CSMD3: variants seen among roughly 807,000 people sequenced by gnomAD.
CSMD3 encodes CUB and Sushi multiple domains 3.
CSMD3 carries 177 observed loss-of-function variants against 435.2 expected under a neutral mutation model. That is an observed-to-expected ratio of 0.41 (90% confidence interval 0.36 to 0.46). CSMD3 has a LOEUF of 0.46. Among genes scored for constraint, CSMD3 ranks in the 20% least tolerant of loss-of-function variants. The pLI is 0.34. For synonymous variants in CSMD3, 1,656 were observed against 1,520.5 expected (o/e 1.09, Z -2.07); for missense variants, 4,265 against 4,504.6 (o/e 0.95, Z 1.52).
At chr8:113,099,077 C>A (rs2090253251) in intron 4 of CSMD3, 114 bp from the exon 5 acceptor site, 5 of 730,226 alleles carry the variant, frequency 6.8e-6, no homozygotes, top group Admixed American at 6.0e-5. Flanking sequence ...AAATGTGATA[C>A]CAAGTGCATA....
chr8:112,898,744 T>G (rs571987169), intron 10 of CSMD3, among the ~76,000 whole-genome samples: 1 of 151,432 alleles, frequency 6.6e-6, no homozygotes, highest in Non-Finnish European at 1.5e-5. Context: ...AGAAAAATTT[T>G]ATTTTTAAAA....
chr8:112,917,144 C>A (rs1384065325), intron 10 of CSMD3, among the ~76,000 whole-genome samples: 1 of 151,816 alleles, frequency 6.6e-6, no homozygotes, highest in Non-Finnish European at 1.5e-5. Flanking sequence ...TCCTCTTTGG[C>A]AACAGCTGGA....
At chr8:112,679,330 C>T (rs1287333837) in intron 16 of CSMD3, among the ~76,000 whole-genome samples, 2 of 152,076 alleles carry the variant, frequency 1.3e-5, no homozygotes, top group African/African-American at 4.8e-5. Context: ...CTGGCAAGGG[C>T]CACCCTAAGA....
chr8:113,383,562 G>T (rs1041863851), intron 1 of CSMD3, among the ~76,000 whole-genome samples: 11 of 152,112 alleles, frequency 7.2e-5, no homozygotes, highest in African/African-American at 2.4e-4. Flanking sequence ...AGGGCTCTGA[G>T]AATATAAAGT....
chr8:112,551,753 C>G (rs1243964021), intron 26 of CSMD3, among the ~76,000 whole-genome samples: 1 of 152,016 alleles, frequency 6.6e-6, no homozygotes, highest in Non-Finnish European at 1.5e-5. Context: ...CTGCATCCAT[C>G]AATGCATAGT....
intron 22 of CSMD3, among the ~76,000 whole-genome samples, chr8:112,632,225 T>C (rs576899830): frequency 6.6e-6 from 1 of 152,146 alleles, no homozygotes; most frequent in Admixed American, 6.6e-5. Context: ...GCACATTCAG[T>C]TTGCTCTCTT....
chr8:112,465,907 G>A (rs897972007), intron 32 of CSMD3, among the ~76,000 whole-genome samples: 5 of 150,448 alleles, frequency 3.3e-5, no homozygotes, highest in African/African-American at 9.8e-5. Flanking sequence ...CCCAGGAGGC[G>A]AAGGTTGCAG....
At position 113,314,281 on chromosome 8, in the gene CSMD3, A is replaced by G. The variant is rs1053310190; in HGVS notation, c.401+290T>C. ...AAAAGTTATATCCATAATGAATGAA[A>G]CCTTGAGATAATCATTTTTAAAAAC... On this transcript the variant is annotated intron_variant, in intron 2 of 70. Transcript: ENST00000297405. 1.7e-5 allele frequency: 6 copies of G among 344,426 alleles called. No individual in the cohort carries two copies. In the South Asian group the frequency reaches 2.0e-4, roughly 11 times the overall value. The allele number at this position is 344,426 out of a possible 1,614,324, so 21.3% of individuals were successfully genotyped here.
chr8:113,043,878 A>G (rs1346422373), intron 5 of CSMD3, among the ~76,000 whole-genome samples: 1 of 152,106 alleles, frequency 6.6e-6, no homozygotes, highest in Admixed American at 6.5e-5. Flanking sequence ...ATATGATTTT[A>G]TAAGCACATA....
chr8:113,436,278 T>C (rs541583293), intron 1 of CSMD3, among the ~76,000 whole-genome samples: 1 of 152,294 alleles, frequency 6.6e-6, no homozygotes, highest in African/African-American at 2.4e-5. Context: ...TAAAAAGCAT[T>C]TAGACCAGCG....
chr8:112,947,792 A>G lies in CSMD3; in HGVS notation c.1506T>C (p.Phe502=), dbSNP rs1564136571. The G allele has an allele frequency of 7.6e-7, 1 of 1,323,296 alleles. No individual in the cohort carries two copies. The highest frequency in any genetic ancestry group is 1.1e-6 in the Non-Finnish European group (1 of 917,442). The allele number at this position is 1,323,296 out of a possible 1,614,324, so 82.0% of individuals were successfully genotyped here. Residue 502 remains phenylalanine, a splice_region_variant and synonymous_variant, in exon 9 of 71, where the codon TTT becomes TTC. Coordinates refer to ENST00000297405, the MANE Select transcript of CSMD3 (RefSeq NM_198123.2). ...PENGKRIGSD[F]SLGSTVQFSC... ...AAGTCAATATTTTAAAATATTACCT[A>G]AAATCTGATCCGATTCTCTTCCCAT...
chr8:112,892,569 T>C (rs2081828963), intron 10 of CSMD3, among the ~76,000 whole-genome samples: 1 of 151,560 alleles, frequency 6.6e-6, no homozygotes, highest in Non-Finnish European at 1.5e-5. Context: ...ATTTGATTTA[T>C]ATATTATGGG....
rs56045224 is a variant in CSMD3 at position 113,399,106 on chromosome 8, T to TACACACAC, written c.178+37563_178+37570dup. ...ATATATATATATATATATATATATA[T>TACACACAC]ACACACACACACACACACTATATAT... On this transcript the variant is annotated intron_variant, in intron 1 of 70. Transcript: ENST00000297405. Among the ~76,000 whole-genome samples, 226 of 95,046 alleles carry TACACACAC rather than the reference T, an allele frequency of 2.4e-3. 1 individual carries two copies. The highest frequency in any genetic ancestry group is 6.1e-3 in the East Asian group (18 of 2,958). The allele number at this position is 95,046 out of a possible 152,430, so 62.4% of individuals were successfully genotyped here.
intron 5 of CSMD3, among the ~76,000 whole-genome samples, chr8:113,041,287 G>A (rs1237288249): frequency 6.6e-6 from 1 of 151,604 alleles, no homozygotes; most frequent in Non-Finnish European, 1.5e-5. Context: ...GTCCTACCTT[G>A]TACCCCTCTG....
chr8:112,630,113 C>T (rs1010211911), intron 22 of CSMD3, among the ~76,000 whole-genome samples: 6 of 152,090 alleles, frequency 3.9e-5, no homozygotes, highest in Non-Finnish European at 8.8e-5. Flanking sequence ...CTGGTTAACA[C>T]ATTAATTGTA....
At chr8:112,601,244 A>C (rs1832328344) in intron 22 of CSMD3, among the ~76,000 whole-genome samples, 1 of 152,124 alleles carries the variant, frequency 6.6e-6, no homozygotes, top group Non-Finnish European at 1.5e-5. Flanking sequence ...AGCTAGTAGT[A>C]GTTGTGAAGT....
chr8:113,214,762 T>A lies in CSMD3; in HGVS notation c.515-40846A>T, dbSNP rs148277370. On this transcript the variant is annotated intron_variant, in intron 3 of 70. Transcript: ENST00000297405. ...TATACTCACACTAATTTGGTTGTTT[T>A]TATATATTAATGTGTCAAATACAGA... Among the ~76,000 whole-genome samples the A allele has an allele frequency of 4.6e-5, 7 of 151,958 alleles. No homozygotes were observed. In the East Asian group the frequency reaches 1.4e-3, roughly 30 times the overall value.
intron 6 of CSMD3, among the ~76,000 whole-genome samples, chr8:113,015,215 C>T (rs1221844860): frequency 6.6e-6 from 1 of 151,976 alleles, no homozygotes; most frequent in African/African-American, 2.4e-5. Flanking sequence ...AGGGCATTTT[C>T]GATATGGTTT....
At chr8:112,415,729 G>A (rs1174697307) in intron 32 of CSMD3, among the ~76,000 whole-genome samples, 2 of 152,214 alleles carry the variant, frequency 1.3e-5, no homozygotes, top group African/African-American at 4.8e-5. Context: ...AAGGCTGACA[G>A]AGCCCACTTC....
Sources: allele counts gnomAD v4.1 joint callset (sites outside exome capture counted in the v4.1 genomes callset), GRCh38; gene constraint gnomAD v4.1.1; transcripts MANE v1.5; gene names NCBI Gene and HGNC (gene_info 2026-07-23, HGNC 2026-07-21).